KIF6: variants seen among roughly 807,000 people sequenced by gnomAD.
KIF6 encodes kinesin family member 6, also known as kinesin-like protein KIF6.
A neutral mutation model predicts 112.7 loss-of-function variants in KIF6; 106 were observed. The ratio of observed to expected loss-of-function variants is 0.94; its 90% CI spans 0.80 to 1.11. KIF6 has a LOEUF of 1.11. Ranked by LOEUF, KIF6 falls within the 50% of genes least tolerant of loss-of-function variation. The probability of loss-of-function intolerance (pLI) is 0.00; values close to 1 mark genes in which losing one functional copy is unlikely to be tolerated. For missense variants in KIF6, 929 were observed against 964.0 expected, an observed-to-expected ratio of 0.96 and a Z score of 0.48; for synonymous variants, 339 against 339.9, an observed-to-expected ratio of 1.00 and a Z score of 0.03.
chr6:39,529,774 G>T (rs368482310), intron 13 of KIF6, among the ~76,000 whole-genome samples: 1 of 151,978 alleles, frequency 6.6e-6, no homozygotes, highest in South Asian at 2.1e-4. Flanking sequence ...GCGACAGAGC[G>T]AGACTCCGTC....
intron 3 of KIF6, among the ~76,000 whole-genome samples, chr6:39,651,402 G>A (rs1414387218): frequency 6.6e-6 from 1 of 152,182 alleles, no homozygotes; most frequent in Non-Finnish European, 1.5e-5. Context: ...GAGCACTGCA[G>A]GATGGCGGGG....
chr6:39,653,008 G>A (rs1785565639), intron 3 of KIF6, among the ~76,000 whole-genome samples: 1 of 152,174 alleles, frequency 6.6e-6, no homozygotes, highest in Non-Finnish European at 1.5e-5. Flanking sequence ...TAAGTATACT[G>A]GCTTCATGTT....
chr6:39,401,278 C>T (rs1768680201), intron 15 of KIF6, among the ~76,000 whole-genome samples: 1 of 152,216 alleles, frequency 6.6e-6, no homozygotes, highest in African/African-American at 2.4e-5. Flanking sequence ...TCCCATTTTC[C>T]TCTGTCTTCT....
chr6:39,413,670 G>C (rs1478465007), intron 15 of KIF6, among the ~76,000 whole-genome samples: 1 of 152,050 alleles, frequency 6.6e-6, no homozygotes, highest in Admixed American at 6.6e-5. Context: ...CACTAACTGG[G>C]GAGAGGCTGT....
chr6:39,479,226 A>T (rs1774640418), intron 13 of KIF6, among the ~76,000 whole-genome samples: 1 of 152,122 alleles, frequency 6.6e-6, no homozygotes, highest in African/African-American at 2.4e-5. Flanking sequence ...GAATTTTTAT[A>T]GTTTCAAGTC....
intron 13 of KIF6, among the ~76,000 whole-genome samples, chr6:39,529,822 A>C (rs1235062748): frequency 6.6e-6 from 1 of 152,160 alleles, no homozygotes; most frequent in East Asian, 1.9e-4. Flanking sequence ...CATTCCTCTT[A>C]AGAAGACATA....
chr6:39,488,720 G>C (rs920044494), intron 13 of KIF6, among the ~76,000 whole-genome samples: 1 of 152,216 alleles, frequency 6.6e-6, no homozygotes, highest in Non-Finnish European at 1.5e-5. Flanking sequence ...ATTCCTACTA[G>C]AGAGAGACAC....
chr6:39,388,284 A>AT (rs3048044), intron 15 of KIF6, among the ~76,000 whole-genome samples: 7,327 of 145,036 alleles, frequency 0.051, 555 homozygotes, highest in African/African-American at 0.17. Context: ...CTAAGGAAGT[A>AT]TTTTTTTTTT....
intron 13 of KIF6, among the ~76,000 whole-genome samples, chr6:39,533,476 C>T (rs1326547834): frequency 2.0e-5 from 3 of 152,210 alleles, no homozygotes; most frequent in Non-Finnish European, 4.4e-5. Context: ...CCCGCCATTG[C>T]CCAGGCTTGC....
chr6:39,339,634 GC>G (rs1184100366), intron 22 of KIF6, among the ~76,000 whole-genome samples: 1 of 152,136 alleles, frequency 6.6e-6, no homozygotes, highest in African/African-American at 2.4e-5. Context: ...AAACAAAAAG[GC>G]CCTCTAGAAA....
intron 3 of KIF6, among the ~76,000 whole-genome samples, chr6:39,648,599 A>T (rs1276620811): frequency 2.0e-5 from 3 of 152,130 alleles, no homozygotes; most frequent in African/African-American, 7.2e-5. Flanking sequence ...TTTGCGAGAC[A>T]TGTTCTTCAG....
chr6:39,644,785 C>T (rs746783360), intron 3 of KIF6, among the ~76,000 whole-genome samples: 1 of 152,118 alleles, frequency 6.6e-6, no homozygotes. Flanking sequence ...AACTAAATTG[C>T]ATGCTTTAAA....
chr6:39,486,231 A>C (rs1056405266), intron 13 of KIF6, among the ~76,000 whole-genome samples: 2 of 152,098 alleles, frequency 1.3e-5, no homozygotes, highest in Admixed American at 1.3e-4. Context: ...AGCAATTTCC[A>C]TTTCTTTCCT....
At chr6:39,345,861 C>T in intron 20 of KIF6, 72 bp from the exon 21 acceptor site, 2 of 1,111,116 alleles carry the variant, frequency 1.8e-6, no homozygotes, top group Non-Finnish European at 2.7e-6. Context: ...GGGTTTATAT[C>T]TAGGAGCTGT....
At chr6:39,388,723 G>T (rs1767626015) in intron 15 of KIF6, among the ~76,000 whole-genome samples, 1 of 152,154 alleles carries the variant, frequency 6.6e-6, no homozygotes, top group Non-Finnish European at 1.5e-5. Context: ...CATGCAGCTT[G>T]CTGTCATTAC....
intron 16 of KIF6, among the ~76,000 whole-genome samples, chr6:39,375,066 A>T (rs1222675771): frequency 6.6e-6 from 1 of 152,244 alleles, no homozygotes; most frequent in Non-Finnish European, 1.5e-5. Context: ...TTCCAATAAC[A>T]TGAATGAAAC....
chr6:39,544,797 G>T, intron 11 of KIF6, 104 bp from the exon 12 acceptor site: 1 of 624,302 alleles, frequency 1.6e-6, no homozygotes, highest in Non-Finnish European at 2.6e-6. Flanking sequence ...TCAGGCATGT[G>T]TGACCTGTCT....
chr6:39,503,508 C>G (rs1022036035), intron 13 of KIF6, among the ~76,000 whole-genome samples: 2 of 149,798 alleles, frequency 1.3e-5, no homozygotes, highest in African/African-American at 2.4e-5. Context: ...AACACGAAAA[C>G]CCCTTCAAAA....
chr6:39,640,702 G>C (rs1784856452), intron 3 of KIF6, among the ~76,000 whole-genome samples: 2 of 152,072 alleles, frequency 1.3e-5, no homozygotes, highest in Admixed American at 1.3e-4. Context: ...TTTCATGCCT[G>C]TGTGTTGAGT....
Sources: allele counts gnomAD v4.1 joint callset (sites outside exome capture counted in the v4.1 genomes callset), GRCh38; gene constraint gnomAD v4.1.1; transcripts MANE v1.5; gene names NCBI Gene and HGNC (gene_info 2026-07-23, HGNC 2026-07-21).